Variants in NIPAL2 observed in about 807,000 individuals in gnomAD.
NIPAL2 encodes the protein NIPA like domain containing 2.
Under a neutral mutation model 48.9 loss-of-function variants are expected in NIPAL2, and 43 were observed. The ratio of observed to expected loss-of-function variants is 0.88; its 90% CI spans 0.69 to 1.13. The LOEUF is 1.13. Among genes scored for constraint, NIPAL2 ranks in the 50% most tolerant of loss-of-function variants. The pLI is 0.00. For synonymous variants in NIPAL2, 167 were observed against 174.6 expected, an observed-to-expected ratio of 0.96 and a Z score of 0.34; for missense variants, 446 against 461.4, an observed-to-expected ratio of 0.97 and a Z score of 0.31.
intron 1 of NIPAL2, among the ~76,000 whole-genome samples, chr8:98,286,268 A>G (rs927266987): frequency 6.6e-6 from 1 of 152,126 alleles, no homozygotes. Context: ...GTGGTATACT[A>G]TTATAGCAGC....
intron 1 of NIPAL2, among the ~76,000 whole-genome samples, chr8:98,260,141 G>A (rs1157744879): frequency 6.6e-6 from 1 of 152,164 alleles, no homozygotes; most frequent in Non-Finnish European, 1.5e-5. Context: ...GCAAGCTATT[G>A]TAAAAGTCAG....
chr8:98,221,758 G>C (rs1382643106), intron 5 of NIPAL2, among the ~76,000 whole-genome samples: 2 of 152,168 alleles, frequency 1.3e-5, no homozygotes, highest in Non-Finnish European at 2.9e-5. Flanking sequence ...TCTCACGCCA[G>C]TTAGAATGGC....
At chr8:98,252,344 G>T in intron 3 of NIPAL2, 119 bp downstream of exon 3, 1 of 920,702 alleles carries the variant, frequency 1.1e-6, no homozygotes, top group Non-Finnish European at 1.6e-6. Flanking sequence ...CCATGTTAAC[G>T]TGATAAGAAA....
At chr8:98,268,666 A>T (rs116318761) in intron 1 of NIPAL2, among the ~76,000 whole-genome samples, 1,975 of 151,862 alleles carry the variant, frequency 0.013, 53 homozygotes, top group African/African-American at 0.045. Flanking sequence ...CCCACAAAAT[A>T]AAGTAGGAAT....
Position 98,191,136 on chromosome 8 carries a change from G to C in NIPAL2, c.*1842C>G, listed in dbSNP as rs1376810631. 1.3e-5 allele frequency: 2 copies of C among 152,222 alleles called. No homozygotes were observed. Among genetic ancestry groups the C allele is most frequent in the Non-Finnish European group, 2.9e-5 (2 of 68,040 alleles). 9.4% of individuals were successfully genotyped at this position (152,222 alleles called of 1,614,324 possible). On this transcript the variant is annotated 3_prime_UTR_variant, in exon 11 of 11. Coordinates refer to ENST00000430223, the MANE Select transcript of NIPAL2 (RefSeq NM_001321635.2). ...AAGTACTGGTGTTATGCTTGTGCCT[G>C]TGTGAAATTCTACAGTGCTGAAAAT...
intron 6 of NIPAL2, among the ~76,000 whole-genome samples, chr8:98,209,444 C>CGAAAAAA (rs1811202773): frequency 2.5e-5 from 1 of 40,506 alleles, no homozygotes; most frequent in Non-Finnish European, 4.3e-5. Context: ...CCCTGTCTCT[C>CGAAAAAA]CAAAAAAAAA....
intron 1 of NIPAL2, among the ~76,000 whole-genome samples, chr8:98,286,812 C>CAAAAAA (rs1182876107): frequency 3.5e-5 from 2 of 57,880 alleles, no homozygotes; most frequent in African/African-American, 1.3e-4. Context: ...GAGACTCTGT[C>CAAAAAA]AAAAAAAAAA....
intron 3 of NIPAL2, among the ~76,000 whole-genome samples, chr8:98,242,710 T>A (rs1203955010): frequency 6.6e-6 from 1 of 152,010 alleles, no homozygotes; most frequent in East Asian, 1.9e-4. Context: ...GGTTCTGAGC[T>A]CCTAACCTCG....
At chr8:98,252,736 A>G (rs1246511867) in intron 2 of NIPAL2, 102 bp from the exon 3 acceptor site, 7 of 980,378 alleles carry the variant, frequency 7.1e-6, no homozygotes, top group Admixed American at 7.1e-5. Flanking sequence ...TAAGAACGCT[A>G]ATTTATTTTT....
At chr8:98,243,698 T>C (rs1009703492) in intron 3 of NIPAL2, among the ~76,000 whole-genome samples, 2 of 152,238 alleles carry the variant, frequency 1.3e-5, no homozygotes, top group African/African-American at 2.4e-5. Context: ...TCTTCTGTAA[T>C]AGCTACTAAT....
At position 98,292,091 on chromosome 8, in the gene NIPAL2, C is replaced by G. The variant is rs186178512; in HGVS notation, c.135+1912G>C. Among the ~76,000 whole-genome samples the G allele has an allele frequency of 1.1e-4, 17 of 152,274 alleles. No individual in the cohort carries two copies. The East Asian group carries it at 1.5e-3, about 14-fold the overall frequency. ...GCAAATATTTTAGTTGTGATAAAAC[C>G]AATGGAGGCAAGCAAATAAGCATCA... On this transcript the variant is annotated intron_variant, in intron 1 of 10. Coordinates refer to ENST00000430223, the MANE Select transcript of NIPAL2 (RefSeq NM_001321635.2).
At chr8:98,226,217 G>A (rs1301196101) in intron 4 of NIPAL2, among the ~76,000 whole-genome samples, 1 of 152,072 alleles carries the variant, frequency 6.6e-6, no homozygotes, top group Non-Finnish European at 1.5e-5. Context: ...TTGGCCCCTG[G>A]TGACTTATTT....
chr8:98,279,284 T>C (rs1815658904), intron 1 of NIPAL2, among the ~76,000 whole-genome samples: 1 of 152,208 alleles, frequency 6.6e-6, no homozygotes, highest in Admixed American at 6.5e-5. Flanking sequence ...TACTAAATAC[T>C]GCTTCCAATT....
chr8:98,275,995 TC>T (rs1348940408), intron 1 of NIPAL2, among the ~76,000 whole-genome samples: 2 of 152,182 alleles, frequency 1.3e-5, no homozygotes, highest in African/African-American at 4.8e-5. Flanking sequence ...GGTACAGATT[TC>T]CTATTTTCTC....
At position 98,254,005 on chromosome 8, in the gene NIPAL2, A is replaced by G; in HGVS notation, c.204+14T>C. ...ATCAATCTATAGTGTTAGAAAAATA[A>G]GCTTTTTTCTTACCTGAATATTTAG... is the stretch of plus-strand genomic sequence containing the variant. On this transcript the variant is annotated intron_variant, in intron 2 of 10. Coordinates refer to ENST00000430223, the MANE Select transcript of NIPAL2 (RefSeq NM_001321635.2). The G allele has an allele frequency of 6.3e-7, 1 of 1,577,674 alleles. No individual in the cohort carries two copies. Among genetic ancestry groups the G allele is most frequent in the Non-Finnish European group, 8.7e-7 (1 of 1,148,996 alleles).
At chr8:98,220,931 C>T (rs926536619) in intron 5 of NIPAL2, among the ~76,000 whole-genome samples, 13 of 144,334 alleles carry the variant, frequency 9.0e-5, no homozygotes, top group African/African-American at 3.0e-4. Context: ...ACCCAGTTAA[C>T]ACCTTCATAT....
intron 1 of NIPAL2, among the ~76,000 whole-genome samples, chr8:98,277,218 G>A (rs916312957): frequency 3.9e-5 from 6 of 152,048 alleles, no homozygotes; most frequent in Admixed American, 3.3e-4. Flanking sequence ...CCATCACCGC[G>A]ATCTAATTTC....
In NIPAL2 at chr8:98,265,864, A is replaced by G. The variant is rs981958855; in HGVS notation, c.136-11777T>C. Among the ~76,000 whole-genome samples the G allele has an allele frequency of 3.0e-3, 449 of 151,594 alleles. 1 individual carries two copies. The highest frequency in any genetic ancestry group is 0.01 in the African/African-American group (420 of 41,084). ...TTATTGCGGCATTATTCACGATAGCAAAGACTTGGAATCAACCCAAATGTC... is the reference window on the plus strand; with the variant it reads ...TTATTGCGGCATTATTCACGATAGCGAAGACTTGGAATCAACCCAAATGTC... On this transcript the variant is annotated intron_variant, in intron 1 of 10. Transcript: ENST00000430223.
chr8:98,205,385 G>T, intron 6 of NIPAL2, 139 bp from the exon 7 acceptor site: 1 of 764,024 alleles, frequency 1.3e-6, no homozygotes, highest in South Asian at 1.9e-5. Context: ...TGTAGGAAGG[G>T]ATGTGACATT....
Sources: allele counts gnomAD v4.1 joint callset (sites outside exome capture counted in the v4.1 genomes callset), GRCh38; gene constraint gnomAD v4.1.1; transcripts MANE v1.5; gene names NCBI Gene and HGNC (gene_info 2026-07-23, HGNC 2026-07-21).